TENM1: variants seen among roughly 807,000 people sequenced by gnomAD.
TENM1 encodes the protein teneurin transmembrane protein 1, also known as teneurin-1.
Under a neutral mutation model 174.8 loss-of-function variants are expected in TENM1, and 35 were observed. The ratio of observed to expected loss-of-function variants is 0.20; its 90% confidence interval spans 0.15 to 0.27. The LOEUF (loss-of-function observed/expected upper bound fraction) is 0.27. Ranked by LOEUF, TENM1 falls within the 10% of genes least tolerant of loss-of-function variation. The pLI is 1.00. For synonymous variants in TENM1, 781 were observed against 798.7 expected (o/e 0.98, Z 0.37); for missense variants, 1,633 against 2,130.1 (o/e 0.77, Z 4.59).
chrX:124,614,714 C>T (rs2050357205), intron 11 of TENM1, among the ~76,000 whole-genome samples: 1 of 112,055 alleles, frequency 8.9e-6, no homozygotes, highest in African/African-American at 3.2e-5. Context: ...GAAACCCTGT[C>T]TCTACTAAAA....
chrX:124,677,011 T>C lies in TENM1; in HGVS notation c.1016-5176A>G, dbSNP rs183201089. Among the ~76,000 whole-genome samples the C allele has an allele frequency of 9.5e-3, 1,055 of 110,951 alleles. 8 individuals carry two copies. The highest frequency in any genetic ancestry group is 0.015 in the Non-Finnish European group (805 of 52,710). On this transcript the variant is annotated intron_variant, in intron 5 of 31. Transcript: ENST00000422452. ...CACTTGAAGTGTGGCTAGTCAGAGT[T>C]GAAGACTTGATATAAAAGAAAAAAT...
chrX:124,674,023 T>C (rs972541288), intron 5 of TENM1, among the ~76,000 whole-genome samples: 17 of 110,816 alleles, frequency 1.5e-4, no homozygotes, highest in Non-Finnish European at 2.6e-4. Context: ...AGGAATGCAA[T>C]GAATTCAGCC....
chrX:124,533,797 G>A (rs759485923), intron 15 of TENM1, among the ~76,000 whole-genome samples: 4 of 111,970 alleles, frequency 3.6e-5, no homozygotes, highest in South Asian at 3.7e-4. Context: ...CATAACTGTC[G>A]TTTGTGTTGG....
exon 1 of TENM1, chrX:124,963,572 C>T: frequency 9.1e-6 from 11 of 1,211,381 alleles, no homozygotes; most frequent in Non-Finnish European, 1.2e-5. Flanking sequence ...CCTCTTTCTA[C>T]TCTGGCTATT....
At chrX:125,125,631 A>G in the TENM1 span, among the ~76,000 whole-genome samples, 1 of 111,852 alleles carries the variant, frequency 8.9e-6, no homozygotes, top group Non-Finnish European at 1.9e-5. Flanking sequence ...TGCTTTCGCC[A>G]GTGCATGCCA....
the TENM1 span, among the ~76,000 whole-genome samples, chrX:125,091,985 C>CA: frequency 0.11 from 1,611 of 14,041 alleles, 228 homozygotes; most frequent in African/African-American, 0.24. Flanking sequence ...AACTCTGTCT[C>CA]AAAAAAAAAA....
chrX:125,131,017 T>C, the TENM1 span, among the ~76,000 whole-genome samples: 1 of 112,176 alleles, frequency 8.9e-6, no homozygotes, highest in African/African-American at 3.2e-5. Context: ...TAAAATGACA[T>C]TTCAGCAGAG....
chrX:124,694,749 G>A (rs1298854724), intron 5 of TENM1, among the ~76,000 whole-genome samples: 1 of 111,795 alleles, frequency 8.9e-6, no homozygotes, highest in African/African-American at 3.3e-5. Context: ...ATGCATCTAT[G>A]AGAGAGTCAT....
At chrX:125,011,607 T>C in the TENM1 span, among the ~76,000 whole-genome samples, 2 of 111,906 alleles carry the variant, frequency 1.8e-5, no homozygotes, top group Non-Finnish European at 3.8e-5. Flanking sequence ...CACTGGTCAC[T>C]AGAGAAATGC....
At chrX:125,069,540 A>G in the TENM1 span, among the ~76,000 whole-genome samples, 1 of 111,004 alleles carries the variant, frequency 9.0e-6, no homozygotes, top group South Asian at 3.8e-4. Flanking sequence ...GGATCAAATG[A>G]TAGTTCTAAT....
the TENM1 span, among the ~76,000 whole-genome samples, chrX:125,200,220 C>T: frequency 9.0e-6 from 1 of 111,375 alleles, no homozygotes; most frequent in African/African-American, 3.3e-5. Flanking sequence ...AATATTTTTA[C>T]CTTTTAGGGG....
the TENM1 span, among the ~76,000 whole-genome samples, chrX:124,994,468 G>T: frequency 9.1e-6 from 1 of 109,723 alleles, no homozygotes; most frequent in African/African-American, 3.3e-5. Context: ...AGGAAACTGA[G>T]GTCCAAACAA....
intron 3 of TENM1, among the ~76,000 whole-genome samples, chrX:124,892,406 G>C (rs2057491873): frequency 9.0e-6 from 1 of 111,372 alleles, no homozygotes; most frequent in Admixed American, 9.6e-5. Flanking sequence ...TAAAATGTCA[G>C]AGACATAAAT....
rs1035954690 is a variant in TENM1 at position 124,448,100 on chromosome X, A to G, written c.4104+5237T>C. 2.7e-5 allele frequency among the ~76,000 whole-genome samples: 3 copies of G among 111,393 alleles called. No individual in the cohort carries two copies. The South Asian group carries it at 1.1e-3, about 42-fold the overall frequency. On this transcript the variant is annotated intron_variant, in intron 23 of 31. Transcript: ENST00000422452. ...GTACTACCATACACATGTTCCCTCA[A>G]TTCTGAAATTGTCAGTCAACAAGTT...
chrX:124,607,022 A>AAGG (rs1423561521), intron 11 of TENM1, among the ~76,000 whole-genome samples: 2 of 110,288 alleles, frequency 1.8e-5, no homozygotes, highest in Non-Finnish European at 3.8e-5. Flanking sequence ...GGAGGAGGAC[A>AAGG]AGGAGGAGGA....
intron 1 of TENM1, among the ~76,000 whole-genome samples, chrX:124,928,854 C>A (rs1569483136): frequency 9.0e-6 from 1 of 111,542 alleles, no homozygotes; most frequent in Admixed American, 9.5e-5. Flanking sequence ...GCTATGCTCC[C>A]ACCTTTCATC....
chrX:125,021,877 A>G, the TENM1 span, among the ~76,000 whole-genome samples: 1 of 113,122 alleles, frequency 8.8e-6, no homozygotes, highest in African/African-American at 3.2e-5. Flanking sequence ...AGCAGGCTGC[A>G]TTTAGCTGAG....
chrX:124,520,821 C>T lies in TENM1; in HGVS notation c.3034-37G>A, dbSNP rs750846552. On this transcript the variant is annotated intron_variant, in intron 17 of 31. Transcript: ENST00000422452. ...AAAAAAAAAAAAAGCCAAATAGGCT[C>T]TTGTCAGTGGTCGCAGGTAGATGAG... The T allele has an allele frequency of 1.5e-5, 17 of 1,107,085 alleles. No homozygotes were observed. The East Asian group carries it at 5.3e-4, about 34-fold the overall frequency. The allele number at this position is 1,107,085 out of a possible 1,213,427, so 91.2% of individuals were successfully genotyped here. A position where few individuals can be genotyped will look rare whatever the true frequency, so the allele number is the denominator to read the frequency against.
chrX:124,605,855 ACTT>A (rs952997924), intron 11 of TENM1, among the ~76,000 whole-genome samples: 27 of 111,753 alleles, frequency 2.4e-4, no homozygotes, highest in Non-Finnish European at 4.2e-4. Context: ...AAACCAGCTG[ACTT>A]CTTCTCATCT....
Sources: gnomAD v4.1 joint callset for allele counts (sites outside exome capture counted in the v4.1 genomes callset) on GRCh38, gnomAD v4.1.1 for gene constraint, MANE v1.5 for transcripts, NCBI Gene and HGNC (gene_info 2026-07-23, HGNC 2026-07-21) for gene names.